The following VPS13B variants were observed in gnomAD, a reference collection of about 807,000 sequenced individuals.
VPS13B encodes the protein vacuolar protein sorting 13 homolog B, also known as intermembrane lipid transfer protein VPS13B.
A neutral mutation model predicts 426.4 loss-of-function variants in VPS13B; 285 were observed. That is an observed-to-expected ratio of 0.67 (90% CI 0.61 to 0.74). The LOEUF is 0.74. Ranked by LOEUF, VPS13B falls within the 30% of genes least tolerant of loss-of-function variation. VPS13B has a pLI of 0.00. For missense variants in VPS13B, 4,537 were observed against 4,782.6 expected (o/e 0.95, Z 1.51); for synonymous variants, 1,676 against 1,676.4 (o/e 1.00, Z 0.01).
rs759997461 is a variant in VPS13B at position 99,274,279 on chromosome 8, T to A, written c.2597T>A (p.Val866Asp). 6.2e-7 allele frequency: 1 copy of A among 1,614,128 alleles called. No individual in the cohort carries two copies. Among genetic ancestry groups the A allele is most frequent in the East Asian group, 2.2e-5 (1 of 44,872 alleles). The stretch of plus-strand genomic sequence containing the variant: ...TTGAAGTACTGCAGCACATCATTGG[T>A]CAAATGTGCCTCTGGGACCATGGGA... ...VELKYCSTSL[V>D]KCASGTMGSI... Residue 866 changes from valine to aspartate, a missense_variant, in exon 18 of 62, where the codon GTC becomes GAC. Physicochemically the swap from Val to Asp is radical, Grantham distance 152. This residue lies in a region of VPS13B where 4,311 missense variants were observed against 4,474.3 expected (regional missense o/e 0.96). Transcript: ENST00000357162.
chr8:99,804,875 A>G (rs975155310), intron 43 of VPS13B, among the ~76,000 whole-genome samples: 1 of 152,068 alleles, frequency 6.6e-6, no homozygotes, highest in South Asian at 2.1e-4. Context: ...GCATATACCT[A>G]TAGTCCTAGC....
At chr8:99,234,470 C>T (rs552276048) in intron 17 of VPS13B, 4 of 557,684 alleles carry the variant, frequency 7.2e-6, no homozygotes, top group East Asian at 4.8e-5. Context: ...TTGGCCTCGC[C>T]GCCGCCCCGC....
chr8:99,443,038 G>A (rs1477347747), intron 23 of VPS13B, among the ~76,000 whole-genome samples: 2 of 151,948 alleles, frequency 1.3e-5, no homozygotes, highest in South Asian at 2.1e-4. Context: ...TATTTAGCAA[G>A]CATAATGTAT....
At chr8:99,432,820 G>A (rs1327130000) in intron 22 of VPS13B, among the ~76,000 whole-genome samples, 2 of 151,940 alleles carry the variant, frequency 1.3e-5, no homozygotes, top group Non-Finnish European at 2.9e-5. Flanking sequence ...TCATGAAGAG[G>A]GTCGAAAATA....
intron 8 of VPS13B, among the ~76,000 whole-genome samples, chr8:99,122,614 A>G (rs929107892): frequency 6.6e-6 from 1 of 152,174 alleles, no homozygotes; most frequent in Non-Finnish European, 1.5e-5. Flanking sequence ...GACTTTTATA[A>G]TGCTATTACC....
At chr8:99,060,396 G>T (rs992327996) in intron 3 of VPS13B, among the ~76,000 whole-genome samples, 1 of 152,042 alleles carries the variant, frequency 6.6e-6, no homozygotes, top group Non-Finnish European at 1.5e-5. Flanking sequence ...ATCACTTGAG[G>T]TTAGGAGTTC....
chr8:99,543,408 A>C (rs1173981656), intron 30 of VPS13B, among the ~76,000 whole-genome samples: 2 of 151,888 alleles, frequency 1.3e-5, no homozygotes, highest in Non-Finnish European at 2.9e-5. Flanking sequence ...ATGGGCAAGG[A>C]CTTCATGTCT....
intron 19 of VPS13B, among the ~76,000 whole-genome samples, chr8:99,376,463 G>GT (rs1813493116): frequency 6.6e-6 from 1 of 152,016 alleles, no homozygotes; most frequent in Non-Finnish European, 1.5e-5. Flanking sequence ...TCATGAGGTC[G>GT]TTTTTGGTAT....
At chr8:99,856,906 G>A (rs1816577704) in intron 56 of VPS13B, among the ~76,000 whole-genome samples, 1 of 152,110 alleles carries the variant, frequency 6.6e-6, no homozygotes, top group African/African-American at 2.4e-5. Flanking sequence ...GGGAGAGGCA[G>A]AATAAAAATA....
intron 36 of VPS13B, among the ~76,000 whole-genome samples, chr8:99,706,283 G>A (rs1832493809): frequency 6.6e-6 from 1 of 152,106 alleles, no homozygotes; most frequent in African/African-American, 2.4e-5. Flanking sequence ...CCAGCAGCCG[G>A]GGTAGCTGAA....
chr8:99,294,949 A>G (rs1819948822), intron 19 of VPS13B, among the ~76,000 whole-genome samples: 1 of 152,196 alleles, frequency 6.6e-6, no homozygotes, highest in Admixed American at 6.5e-5. Context: ...GATGACATTG[A>G]TGATCCTATG....
chr8:99,677,739 GA>G (rs1450123849), intron 35 of VPS13B, among the ~76,000 whole-genome samples: 1 of 151,224 alleles, frequency 6.6e-6, no homozygotes, highest in Non-Finnish European at 1.5e-5. Context: ...CAGTCATTTA[GA>G]TTTTTTTTTA....
intron 16 of VPS13B, among the ~76,000 whole-genome samples, chr8:99,177,267 T>G (rs1227355564): frequency 6.6e-6 from 1 of 152,192 alleles, no homozygotes; most frequent in Non-Finnish European, 1.5e-5. Flanking sequence ...GGCACTGCAT[T>G]ATTTGAAATA....
intron 39 of VPS13B, among the ~76,000 whole-genome samples, chr8:99,738,238 A>C (rs879791196): frequency 6.6e-6 from 1 of 151,818 alleles, no homozygotes; most frequent in Non-Finnish European, 1.5e-5. Context: ...AAAATGACTA[A>C]TGATTTCATT....
At chr8:99,863,167 G>T (rs1816917924) in intron 58 of VPS13B, among the ~76,000 whole-genome samples, 1 of 152,104 alleles carries the variant, frequency 6.6e-6, no homozygotes, top group Non-Finnish European at 1.5e-5. Flanking sequence ...AGTAACAGTG[G>T]GTAGTTATAT....
At chr8:99,050,958 AT>A (rs1412970946) in intron 3 of VPS13B, among the ~76,000 whole-genome samples, 2 of 151,816 alleles carry the variant, frequency 1.3e-5, no homozygotes, top group Admixed American at 6.6e-5. Context: ...AGATTGCAAA[AT>A]TTTTTTCCCA....
At chr8:99,726,219 C>CA (rs1461060727) in intron 39 of VPS13B, among the ~76,000 whole-genome samples, 1 of 152,118 alleles carries the variant, frequency 6.6e-6, no homozygotes, top group Non-Finnish European at 1.5e-5. Flanking sequence ...TCCTAGAATG[C>CA]AAAAGCTTAT....
chr8:99,737,691 C>G (rs1050665602), intron 39 of VPS13B, among the ~76,000 whole-genome samples: 8 of 152,162 alleles, frequency 5.3e-5, no homozygotes, highest in African/African-American at 1.9e-4. Context: ...ATTTTGAAAA[C>G]CTAGAGTTAT....
intron 3 of VPS13B, among the ~76,000 whole-genome samples, chr8:99,061,097 G>A (rs1041900833): frequency 6.6e-6 from 1 of 151,962 alleles, no homozygotes; most frequent in African/African-American, 2.4e-5. Context: ...GTGGTTGCAG[G>A]TTTTCTTTTT....
Sources: gnomAD v4.1 joint callset for allele counts (sites outside exome capture counted in the v4.1 genomes callset) on GRCh38, gnomAD v4.1.1 for gene constraint, gnomAD v4.1.1 regional missense constraint, MANE v1.5 for transcripts, NCBI Gene and HGNC (gene_info 2026-07-23, HGNC 2026-07-21) for gene names.